Variants in MAGED1 observed in about 807,000 individuals in gnomAD.
MAGED1 encodes melanoma-associated antigen D1.
A neutral mutation model predicts 54.1 loss-of-function variants in MAGED1; 3 were observed. That is an observed-to-expected ratio of 0.06 (90% confidence interval 0.03 to 0.14). MAGED1 has a LOEUF of 0.14. Ranked by LOEUF, MAGED1 falls within the 10% of genes least tolerant of loss-of-function variation. The probability of loss-of-function intolerance (pLI) is 1.00; values close to 1 mark genes in which losing one functional copy is unlikely to be tolerated. For synonymous variants in MAGED1, 217 were observed against 227.3 expected (o/e 0.95, Z 0.41); for missense variants, 485 against 623.4 (o/e 0.78, Z 2.36).
intron 1 of MAGED1, among the ~76,000 whole-genome samples, chrX:51,882,032 A>G (rs1334083326): frequency 3.6e-5 from 4 of 111,901 alleles, no homozygotes; most frequent in Admixed American, 2.8e-4. Context: ...TTGACTGGGG[A>G]ATAAGGCAGA....
intron 1 of MAGED1, among the ~76,000 whole-genome samples, chrX:51,846,930 C>T (rs894602363): frequency 5.4e-5 from 6 of 111,637 alleles, no homozygotes; most frequent in East Asian, 2.8e-4. Flanking sequence ...AGATCCAAAC[C>T]GTATCAGTGA....
intron 1 of MAGED1, among the ~76,000 whole-genome samples, chrX:51,866,212 G>T (rs1051243517): frequency 8.0e-5 from 9 of 111,902 alleles, no homozygotes; most frequent in African/African-American, 3.2e-5. Flanking sequence ...TACATATCTT[G>T]TCTAATAGCT....
chrX:51,854,400 G>C lies in MAGED1; in HGVS notation c.-36-39869G>C, dbSNP rs989713034. Among the ~76,000 whole-genome samples the C allele has an allele frequency of 3.6e-5, 4 of 111,888 alleles. No homozygotes were observed. The East Asian group carries it at 1.1e-3, about 31-fold the overall frequency. On this transcript the variant is annotated intron_variant, in intron 1 of 12. Coordinates refer to the MAGED1 transcript ENST00000375772. ...GCAATCCTTTTAGATGAAAGGAGGA[G>C]GGAGAATGATACAAGTAGGGGTTAG...
chrX:51,861,585 A>G (rs1557360678), intron 1 of MAGED1, among the ~76,000 whole-genome samples: 1 of 112,353 alleles, frequency 8.9e-6, no homozygotes, highest in Non-Finnish European at 1.9e-5. Flanking sequence ...TTGTGCAAAC[A>G]TTGTTCACTA....
At position 51,841,286 on chromosome X, in the gene MAGED1, G is replaced by GT. The variant is rs1256387730; in HGVS notation, c.-37+38176dup. Among the ~76,000 whole-genome samples the GT allele has an allele frequency of 5.4e-5, 6 of 110,309 alleles. No individual in the cohort carries two copies. In the East Asian group the frequency reaches 1.7e-3, roughly 32 times the overall value. On this transcript the variant is annotated intron_variant, in intron 1 of 12. Transcript: ENST00000375772. Reference sequence around the variant, plus strand: ...CGCCCACTTTTTGATGGGGTTGTTTGTTTTTTTCTTGTAAATTTGTTTGAG... The same window carrying GT: ...CGCCCACTTTTTGATGGGGTTGTTTGTTTTTTTTCTTGTAAATTTGTTTGAG...
Position 51,895,206 on chromosome X carries a change from G to T in MAGED1, c.199G>T (p.Val67Phe). 2.5e-6 allele frequency: 3 copies of T among 1,211,684 alleles called. No individual in the cohort carries two copies. Among genetic ancestry groups the T allele is most frequent in the Non-Finnish European group, 3.4e-6 (3 of 895,433 alleles). ...PTANEMADIQ[V>F]SAAAARPKSA... ...TGCCAATGAGATGGCTGACATTCAG[G>T]TTTCAGCAGCTGCCGCTAGGCCTAA... is the stretch of plus-strand genomic sequence containing the variant. The change falls in exon 3 of 13, where the codon GTT (valine) becomes TTT (phenylalanine). Residue 67 changes from valine (V) to phenylalanine (F), a missense_variant. Coordinates refer to ENST00000326587, the MANE Select transcript of MAGED1 (RefSeq NM_006986.4).
rs945026136 is a variant in MAGED1 at position 51,815,726 on chromosome X, G to T, written c.-37+12609G>T. On this transcript the variant is annotated intron_variant, in intron 1 of 12. Transcript: ENST00000375772. ...AGTAGAGACGGGGTTTCTCCATGTT[G>T]GTCAGGCTGGTGTCGAATTCCTGAC... 6.4e-5 allele frequency among the ~76,000 whole-genome samples: 7 copies of T among 109,826 alleles called. 1 individual carries two copies. Among genetic ancestry groups the T allele is most frequent in the Non-Finnish European group, 1.1e-4 (6 of 52,700 alleles).
At chrX:51,841,295 T>G (rs1228458657) in intron 1 of MAGED1, among the ~76,000 whole-genome samples, 9 of 110,933 alleles carry the variant, frequency 8.1e-5, no homozygotes, top group Non-Finnish European at 1.5e-4. Flanking sequence ...TGTTTTTTTC[T>G]TGTAAATTTG....
At chrX:51,814,686 CCT>C (rs1925350738) in intron 1 of MAGED1, among the ~76,000 whole-genome samples, 1 of 111,233 alleles carries the variant, frequency 9.0e-6, no homozygotes, top group East Asian at 2.8e-4. Context: ...CCGAAAAATT[CCT>C]GTCATCTAGT....
At chrX:51,817,367 A>G (rs1006565563) in intron 1 of MAGED1, among the ~76,000 whole-genome samples, 1 of 112,056 alleles carries the variant, frequency 8.9e-6, no homozygotes, top group Non-Finnish European at 1.9e-5. Context: ...GTGGATTACC[A>G]TAACGCTAAT....
At chrX:51,814,965 T>C (rs1377328559) in intron 1 of MAGED1, among the ~76,000 whole-genome samples, 9 of 90,317 alleles carry the variant, frequency 1.0e-4, no homozygotes, top group African/African-American at 3.5e-4. Context: ...AACCTCTCTC[T>C]TAAAAAAAAA....
chrX:51,805,194 C>A (rs1557354945), intron 1 of MAGED1, among the ~76,000 whole-genome samples: 2 of 111,947 alleles, frequency 1.8e-5, no homozygotes, highest in Non-Finnish European at 3.8e-5. Context: ...CTGCTCTTAC[C>A]ACTTTGTGTT....
chrX:51,820,248 G>C (rs968456014), intron 1 of MAGED1, among the ~76,000 whole-genome samples: 2 of 111,616 alleles, frequency 1.8e-5, no homozygotes, highest in African/African-American at 3.3e-5. Context: ...AAGGTGTTTT[G>C]ACCATTTTGA....
chrX:51,893,187 C>T (rs959903707), upstream of MAGED1, among the ~76,000 whole-genome samples: 2 of 110,823 alleles, frequency 1.8e-5, no homozygotes, highest in Admixed American at 1.9e-4. Context: ...GTTTCCTCAG[C>T]AGAGGTCTAA....
intron 1 of MAGED1, among the ~76,000 whole-genome samples, chrX:51,864,173 A>T (rs868906172): frequency 1.2e-4 from 11 of 90,885 alleles, no homozygotes; most frequent in Middle Eastern, 5.9e-3. Context: ...GAGGGGTGTG[A>T]GAGAGAGAGA....
At chrX:51,804,592 CA>C (rs1259873768) in intron 1 of MAGED1, among the ~76,000 whole-genome samples, 1 of 110,791 alleles carries the variant, frequency 9.0e-6, no homozygotes, top group African/African-American at 3.3e-5. Context: ...CAGTGGATAA[CA>C]AAAACAAAGT....
chrX:51,830,143 G>A (rs1271629854), intron 1 of MAGED1, among the ~76,000 whole-genome samples: 4 of 111,891 alleles, frequency 3.6e-5, no homozygotes, highest in Non-Finnish European at 5.6e-5. Flanking sequence ...ATATATATCA[G>A]TGTCATCTTA....
rs542194569 is a variant in MAGED1 at position 51,826,313 on chromosome X, C to G, written c.-37+23196C>G. ...GTATCTAAAACCTCATTGCTAAAGC[C>G]TAAGGTCATGCAAGTTTTCTGTTTT... is the stretch of plus-strand genomic sequence containing the variant. On this transcript the variant is annotated intron_variant, in intron 1 of 12. Coordinates refer to the MAGED1 transcript ENST00000375772. 6.3e-5 allele frequency among the ~76,000 whole-genome samples: 7 copies of G among 111,903 alleles called. No homozygotes were observed. In the South Asian group the frequency reaches 2.6e-3, roughly 42 times the overall value.
chrX:51,803,179 A>G (rs1443047467), intron 1 of MAGED1: 3 of 110,086 alleles, frequency 2.7e-5, no homozygotes, highest in Non-Finnish European at 5.7e-5. Context: ...CTCCAGGGAA[A>G]CCTCCTTTTG....
Sources: allele counts gnomAD v4.1 joint callset (sites outside exome capture counted in the v4.1 genomes callset), GRCh38; gene constraint gnomAD v4.1.1; transcripts MANE v1.5; gene names NCBI Gene and HGNC (gene_info 2026-07-23, HGNC 2026-07-21).